The following NOX4 variants were observed in gnomAD, a reference collection of about 807,000 sequenced individuals.
The protein encoded by NOX4 is NADPH oxidase 4.
NOX4 carries 69 observed loss-of-function variants against 87.6 expected under a neutral mutation model. The observed-to-expected ratio is 0.79, with a 90% CI of 0.65 to 0.96. NOX4 has a LOEUF of 0.96. Ranked by LOEUF, NOX4 falls within the 40% of genes least tolerant of loss-of-function variation. The probability of loss-of-function intolerance (pLI) is 0.00; values close to 1 mark genes in which losing one functional copy is unlikely to be tolerated. For missense variants in NOX4, 680 were observed against 681.5 expected, an observed-to-expected ratio of 1.00 and a Z score of 0.02; for synonymous variants, 275 against 238.2, an observed-to-expected ratio of 1.15 and a Z score of -1.42.
chr11:89,350,753 G>C (rs542129714), intron 13 of NOX4, among the ~76,000 whole-genome samples: 2 of 152,102 alleles, frequency 1.3e-5, no homozygotes, highest in African/African-American at 2.4e-5. Flanking sequence ...ATGTTACAAA[G>C]CTACAAATTC....
the NOX4 span, among the ~76,000 whole-genome samples, chr11:89,563,459 T>C: frequency 1.3e-5 from 2 of 152,140 alleles, no homozygotes; most frequent in African/African-American, 2.4e-5. Flanking sequence ...ACTCCAACCA[T>C]ATCACTTATC....
chr11:89,398,606 T>G (rs1036246443), intron 11 of NOX4, among the ~76,000 whole-genome samples: 1 of 151,338 alleles, frequency 6.6e-6, no homozygotes, highest in Non-Finnish European at 1.5e-5. Flanking sequence ...TTCATGTATA[T>G]GGGATGTATA....
At chr11:89,368,536 G>A (rs1490189942) in intron 12 of NOX4, among the ~76,000 whole-genome samples, 1 of 151,996 alleles carries the variant, frequency 6.6e-6, no homozygotes, top group Non-Finnish European at 1.5e-5. Context: ...AGAGCAAAGG[G>A]GGAGGAACAC....
chr11:89,580,558 A>G, the NOX4 span, among the ~76,000 whole-genome samples: 1 of 152,222 alleles, frequency 6.6e-6, no homozygotes, highest in East Asian at 1.9e-4. Context: ...AGATAACCTC[A>G]TAAACATTAA....
At chr11:89,341,058 C>A (rs1359439247) in intron 14 of NOX4, among the ~76,000 whole-genome samples, 18 of 150,232 alleles carry the variant, frequency 1.2e-4, no homozygotes, top group Non-Finnish European at 2.4e-4. Context: ...AATCAATTAA[C>A]TTTTGCTTAT....
At chr11:89,575,660 G>GT in the NOX4 span, among the ~76,000 whole-genome samples, 2 of 151,962 alleles carry the variant, frequency 1.3e-5, no homozygotes, top group Non-Finnish European at 2.9e-5. Flanking sequence ...TTTTGTTTCT[G>GT]TTTTTTACTT....
chr11:89,475,627 T>C (rs1220673938), intron 2 of NOX4, among the ~76,000 whole-genome samples: 1 of 152,028 alleles, frequency 6.6e-6, no homozygotes, highest in Non-Finnish European at 1.5e-5. Context: ...AGCGCAGGCT[T>C]CAACAGAATA....
chr11:89,537,097 A>G, the NOX4 span, among the ~76,000 whole-genome samples: 1 of 152,234 alleles, frequency 6.6e-6, no homozygotes, highest in African/African-American at 2.4e-5. Context: ...AGGCATATCC[A>G]GAGCCAAGGA....
chr11:89,408,543 T>C (rs1942309247), intron 8 of NOX4, among the ~76,000 whole-genome samples: 2 of 152,148 alleles, frequency 1.3e-5, no homozygotes, highest in South Asian at 4.1e-4. Context: ...AGTATCTGGG[T>C]ACCCACCCTA....
At chr11:89,575,648 CT>C in the NOX4 span, among the ~76,000 whole-genome samples, 36 of 152,220 alleles carry the variant, frequency 2.4e-4, no homozygotes, top group African/African-American at 8.7e-4. Flanking sequence ...GGAGCTGCCC[CT>C]TTTTGTTTCT....
intron 8 of NOX4, among the ~76,000 whole-genome samples, chr11:89,412,758 C>T (rs529661849): frequency 3.3e-5 from 5 of 152,168 alleles, no homozygotes; most frequent in African/African-American, 1.2e-4. Flanking sequence ...CTCTCCAGGA[C>T]ATTGGACTGG....
At chr11:89,337,384 A>G in intron 16 of NOX4, 63 bp downstream of exon 16, 1 of 1,601,292 alleles carries the variant, frequency 6.2e-7, no homozygotes, top group South Asian at 1.1e-5. Context: ...CTTCCACCAC[A>G]GCTCCTACAG....
intron 1 of NOX4, chr11:89,490,814 G>A (rs1356983198): frequency 5.7e-6 from 4 of 698,244 alleles, no homozygotes; most frequent in Admixed American, 2.0e-5. Context: ...ATCCCCTGCC[G>A]TACAAAATGA....
At chr11:89,399,130 A>G (rs572189218) in intron 11 of NOX4, among the ~76,000 whole-genome samples, 206 of 151,866 alleles carry the variant, frequency 1.4e-3, no homozygotes, top group African/African-American at 4.7e-3. Context: ...TATAATTATA[A>G]TAATATTAAA....
chr11:89,472,007 T>A (rs1945965431), intron 2 of NOX4, among the ~76,000 whole-genome samples: 1 of 152,166 alleles, frequency 6.6e-6, no homozygotes, highest in African/African-American at 2.4e-5. Context: ...CTCCCTAAGT[T>A]CTGGGTTTAC....
intron 6 of NOX4, among the ~76,000 whole-genome samples, chr11:89,433,245 C>A (rs571794665): frequency 6.6e-6 from 1 of 152,198 alleles, no homozygotes; most frequent in East Asian, 1.9e-4. Context: ...AGTCATTCTA[C>A]AGTGGTACAG....
the NOX4 span, among the ~76,000 whole-genome samples, chr11:89,531,764 G>A: frequency 6.6e-6 from 1 of 152,216 alleles, no homozygotes; most frequent in African/African-American, 2.4e-5. Context: ...GATATTCACA[G>A]CAGCCCCTCC....
rs1364039138 is a variant in NOX4, at chr11:89,326,233, G to A, written c.*523C>T. 1 of 152,088 alleles carries A rather than the reference G, an allele frequency of 6.6e-6. No homozygotes were observed. Among genetic ancestry groups the A allele is most frequent in the Non-Finnish European group, 1.5e-5 (1 of 68,018 alleles). 9.4% of individuals were successfully genotyped at this position (152,088 alleles called of 1,614,324 possible). Reference sequence around the variant, plus strand: ...GGAGACGATTAGATATTGACACAAAGTACCCGTATCAATACAGAGTCTTGT... The same window carrying A: ...GGAGACGATTAGATATTGACACAAAATACCCGTATCAATACAGAGTCTTGT... On this transcript the variant is annotated 3_prime_UTR_variant, in exon 18 of 18. Coordinates refer to ENST00000263317, the MANE Select transcript of NOX4 (RefSeq NM_016931.5).
At chr11:89,341,153 C>G (rs1210006324) in intron 14 of NOX4, among the ~76,000 whole-genome samples, 1 of 134,852 alleles carries the variant, frequency 7.4e-6, no homozygotes, top group African/African-American at 2.9e-5. Context: ...GGCAGAGTCT[C>G]GCTCTGTCAC....
Sources: gnomAD v4.1 joint callset for allele counts (sites outside exome capture counted in the v4.1 genomes callset) on GRCh38, gnomAD v4.1.1 for gene constraint, MANE v1.5 for transcripts, NCBI Gene and HGNC (gene_info 2026-07-23, HGNC 2026-07-21) for gene names.